The following NFATC1 variants were observed in gnomAD, a reference collection of about 807,000 sequenced individuals.
NFATC1 encodes nuclear factor of activated T cells 1.
Under a neutral mutation model 76.0 loss-of-function variants are expected in NFATC1, and 22 were observed. The ratio of observed to expected loss-of-function variants is 0.29; its 90% CI spans 0.21 to 0.41. NFATC1 has a LOEUF of 0.41. NFATC1 is among the 10% of genes least tolerant of loss of function. NFATC1 has a pLI of 1.00. For synonymous variants in NFATC1, 704 were observed against 613.1 expected, an observed-to-expected ratio of 1.15 and a Z score of -2.19; for missense variants, 1,357 against 1,337.7, an observed-to-expected ratio of 1.01 and a Z score of -0.23.
At chr18:79,501,332 C>G (rs2090008687) in intron 9 of NFATC1, among the ~76,000 whole-genome samples, 1 of 152,134 alleles carries the variant, frequency 6.6e-6, no homozygotes, top group Non-Finnish European at 1.5e-5. Context: ...AACTTCTTAA[C>G]CTGATCAAAG....
At chr18:79,498,294 C>T (rs1016703230) in intron 9 of NFATC1, 1 of 149,554 alleles carries the variant, frequency 6.7e-6, no homozygotes, top group Non-Finnish European at 1.5e-5. Flanking sequence ...TAAAAAATTA[C>T]AGGGGAGTGT....
intron 3 of NFATC1, among the ~76,000 whole-genome samples, chr18:79,434,092 G>T (rs1428960606): frequency 2.6e-5 from 4 of 152,242 alleles, no homozygotes; most frequent in African/African-American, 9.6e-5. Flanking sequence ...CTCGCCTGGT[G>T]GGGGACCCTC....
At chr18:79,520,981 A>T (rs374120663) in intron 9 of NFATC1, among the ~76,000 whole-genome samples, 1 of 69,236 alleles carries the variant, frequency 1.4e-5, no homozygotes, top group African/African-American at 6.2e-5. Flanking sequence ...GCATCCGCTG[A>T]TGTGTGTGTC....
rs763047062 is a variant in NFATC1, at chr18:79,486,755, C to T, written c.2600C>T (p.Ala867Val). The change falls in exon 9 of 10, where the codon GCG becomes GTG. Residue 867 changes from alanine to valine, a missense_variant. Physicochemically the swap from Ala to Val is moderately conservative, Grantham distance 64 (BLOSUM62 0). Transcript: ENST00000427363. ...EPTCLQPCSP[A>V]CPPATGRPQH... ...ACCTGCCTGCAGCCCTGCAGCCCAGCGTGCCCGCCCGCCACGGGCCGCCCG... is the reference window on the plus strand; with the variant it reads ...ACCTGCCTGCAGCCCTGCAGCCCAGTGTGCCCGCCCGCCACGGGCCGCCCG... 4.4e-6 allele frequency: 7 copies of T among 1,603,310 alleles called. No individual in the cohort carries two copies. The highest frequency in any genetic ancestry group is 1.7e-5 in the Admixed American group (1 of 59,510).
chr18:79,491,158 G>T (rs997352047), intron 9 of NFATC1, among the ~76,000 whole-genome samples: 3 of 152,130 alleles, frequency 2.0e-5, no homozygotes. Flanking sequence ...TATATATTTT[G>T]TCTAATTTCA....
intron 8 of NFATC1, among the ~76,000 whole-genome samples, chr18:79,485,323 A>G (rs1055924667): frequency 6.6e-6 from 1 of 152,242 alleles, no homozygotes; most frequent in African/African-American, 2.4e-5. Flanking sequence ...CGCCATTGTG[A>G]GAGCTTTAGA....
intron 8 of NFATC1, among the ~76,000 whole-genome samples, chr18:79,472,894 T>G (rs2088843594): frequency 6.6e-6 from 1 of 152,156 alleles, no homozygotes; most frequent in East Asian, 1.9e-4. Flanking sequence ...CAGGGCCTGG[T>G]CACAGGTTCT....
Position 79,487,010 on chromosome 18 carries a change from C to G in NFATC1, c.2782+73C>G. On this transcript the variant is annotated intron_variant, in intron 9 of 9. Coordinates refer to ENST00000427363, the MANE Select transcript of NFATC1 (RefSeq NM_001278669.2). ...CGTGAGCTCATGGAGGGGCCGTGTG[C>G]GTGCTGCGTGTGTGGCACGTGTGGA... is the stretch of plus-strand genomic sequence containing the variant. 7 of 1,463,810 alleles carry G rather than the reference C, an allele frequency of 4.8e-6. No homozygotes were observed. In the South Asian group the frequency reaches 9.3e-5, roughly 19 times the overall value. The allele number at this position is 1,463,810 out of a possible 1,614,324, so 90.7% of individuals were successfully genotyped here.
intron 2 of NFATC1, among the ~76,000 whole-genome samples, chr18:79,418,236 G>A (rs992570649): frequency 2.6e-5 from 4 of 152,150 alleles, no homozygotes; most frequent in Admixed American, 6.5e-5. Flanking sequence ...CATGCCTTGC[G>A]ACGCTCTGTG....
chr18:79,469,567 G>A (rs1423688944), intron 8 of NFATC1: 36 of 985,638 alleles, frequency 3.7e-5, no homozygotes, highest in African/African-American at 8.8e-5. Context: ...GATTGGCCCC[G>A]GCTCCCCTCT....
intron 9 of NFATC1, among the ~76,000 whole-genome samples, chr18:79,491,923 A>G (rs1317765612): frequency 1.3e-5 from 2 of 152,152 alleles, no homozygotes; most frequent in Non-Finnish European, 1.5e-5. Context: ...AGTCACTTCA[A>G]GGTCTTGCTG....
intron 8 of NFATC1, among the ~76,000 whole-genome samples, chr18:79,480,207 G>C (rs889459228): frequency 6.6e-6 from 1 of 152,230 alleles, no homozygotes; most frequent in African/African-American, 2.4e-5. Flanking sequence ...CCTGCAAATA[G>C]CTCTGGGCGG....
At chr18:79,427,978 C>T (rs1376493297) in intron 2 of NFATC1, among the ~76,000 whole-genome samples, 1 of 130,822 alleles carries the variant, frequency 7.6e-6, no homozygotes, top group African/African-American at 3.0e-5. Context: ...CGGGGGGGTG[C>T]TGGACGGCTG....
intron 1 of NFATC1, among the ~76,000 whole-genome samples, chr18:79,408,643 T>C (rs1012885834): frequency 5.9e-5 from 9 of 152,242 alleles, no homozygotes; most frequent in Admixed American, 5.9e-4. Context: ...TAGCTGGTGA[T>C]TAGGGCACCT....
intron 9 of NFATC1, among the ~76,000 whole-genome samples, chr18:79,507,039 G>A (rs1300054400): frequency 3.9e-5 from 6 of 152,198 alleles, no homozygotes; most frequent in Non-Finnish European, 8.8e-5. Flanking sequence ...CCCTCCCCTA[G>A]TTATCACCCC....
At chr18:79,480,480 C>T (rs1048982282) in intron 8 of NFATC1, among the ~76,000 whole-genome samples, 1 of 152,144 alleles carries the variant, frequency 6.6e-6, no homozygotes, top group Non-Finnish European at 1.5e-5. Context: ...CACTGCCGGC[C>T]GCCAGCATCC....
chr18:79,404,899 T>C (rs1395141630), intron 1 of NFATC1, among the ~76,000 whole-genome samples: 1 of 152,186 alleles, frequency 6.6e-6, no homozygotes, highest in African/African-American at 2.4e-5. Context: ...CCAGAAGTAT[T>C]TCATGTATTA....
chr18:79,402,579 C>T lies in NFATC1; in HGVS notation c.127+6228C>T, dbSNP rs147652211. Among the ~76,000 whole-genome samples the T allele has an allele frequency of 2.3e-3, 352 of 152,270 alleles. 1 individual carries two copies. Among genetic ancestry groups the T allele is most frequent in the African/African-American group, 8.3e-3 (345 of 41,558 alleles). ...TGAAAGCTTTCTGCTGTGTCCTTGCCCCTCCAGAGACCACCGTGGTTTTGG... is the reference window on the plus strand; with the variant it reads ...TGAAAGCTTTCTGCTGTGTCCTTGCTCCTCCAGAGACCACCGTGGTTTTGG... On this transcript the variant is annotated intron_variant, in intron 1 of 9. Transcript: ENST00000427363.
intron 9 of NFATC1, among the ~76,000 whole-genome samples, chr18:79,510,609 C>T (rs150179398): frequency 4.6e-5 from 7 of 152,330 alleles, no homozygotes; most frequent in East Asian, 3.9e-4. Flanking sequence ...ATGTGGGAAA[C>T]GCAGTGTCAT....
Sources: allele counts gnomAD v4.1 joint callset (sites outside exome capture counted in the v4.1 genomes callset), GRCh38; gene constraint gnomAD v4.1.1; transcripts MANE v1.5; gene names NCBI Gene and HGNC (gene_info 2026-07-23, HGNC 2026-07-21).